Variants in GIGYF2 observed in about 807,000 individuals in gnomAD.
GIGYF2 encodes GRB10-interacting GYF protein 2.
Under a neutral mutation model 208.1 loss-of-function variants are expected in GIGYF2, and 25 were observed. That is an observed-to-expected ratio of 0.12 (90% CI 0.09 to 0.17). The LOEUF (loss-of-function observed/expected upper bound fraction) is 0.17. Ranked by LOEUF, GIGYF2 falls within the 10% of genes least tolerant of loss-of-function variation. GIGYF2 has a pLI of 1.00. For missense variants in GIGYF2, 1,302 were observed against 1,579.4 expected (o/e 0.82, Z 2.98); for synonymous variants, 534 against 543.8 (o/e 0.98, Z 0.25).
intron 8 of GIGYF2, among the ~76,000 whole-genome samples, chr2:232,775,994 A>G (rs1699495578): frequency 6.6e-6 from 1 of 152,176 alleles, no homozygotes; most frequent in Admixed American, 6.5e-5. Flanking sequence ...CAATAATTCC[A>G]TGCTTAAAAA....
At chr2:232,798,977 G>GAAA (rs1700308017) in intron 14 of GIGYF2, among the ~76,000 whole-genome samples, 1 of 150,670 alleles carries the variant, frequency 6.6e-6, no homozygotes, top group South Asian at 2.1e-4. Flanking sequence ...GGGACTGGAG[G>GAAA]AAATCTGTTT....
intron 28 of GIGYF2, among the ~76,000 whole-genome samples, chr2:232,850,790 C>T (rs1196768907): frequency 6.6e-6 from 1 of 152,130 alleles, no homozygotes; most frequent in Non-Finnish European, 1.5e-5. Context: ...GACCATTAAT[C>T]CGATCAGGTG....
intron 20 of GIGYF2, among the ~76,000 whole-genome samples, chr2:232,819,008 A>G (rs775706224): frequency 6.6e-6 from 1 of 151,314 alleles, no homozygotes; most frequent in Non-Finnish European, 1.5e-5. Context: ...GTTGGGGGGA[A>G]TTCACCATTC....
intron 23 of GIGYF2, chr2:232,843,096 A>G (rs985295415): frequency 1.6e-4 from 25 of 151,754 alleles, no homozygotes; most frequent in Admixed American, 5.3e-4. Flanking sequence ...AGATTTTAAA[A>G]AATCTATTCT....
intron 27 of GIGYF2, among the ~76,000 whole-genome samples, chr2:232,848,744 C>G (rs765315405): frequency 1.3e-5 from 2 of 152,226 alleles, no homozygotes; most frequent in African/African-American, 4.8e-5. Context: ...AGAACTGTAA[C>G]AAGAAGGCAT....
At chr2:232,840,056 A>G in intron 23 of GIGYF2, 85 bp downstream of exon 23, 1 of 1,331,358 alleles carries the variant, frequency 7.5e-7, no homozygotes, top group South Asian at 1.2e-5. Context: ...TACTGAGGAC[A>G]ATTACTGTCA....
In GIGYF2 at chr2:232,832,906, G is replaced by A. The variant is rs1183320926; in HGVS notation, c.2579G>A (p.Arg860Gln). 7 of 1,563,896 alleles carry A rather than the reference G, an allele frequency of 4.5e-6. No homozygotes were observed. Among genetic ancestry groups the A allele is most frequent in the Non-Finnish European group, 2.6e-6 (3 of 1,154,068 alleles). ...CGGGAAGAAGAAGAAGCCCAGCGTC[G>A]ATTAGAGGAGAACCGGCTGCGGATG... ...WAREEEEAQR[R>Q]LEENRLRMEE... Residue 860 changes from arginine to glutamine, a missense_variant, in exon 22 of 29, where the codon CGA becomes CAA. By Grantham distance (43) the Arg-to-Gln change is conservative (BLOSUM62 1). This residue lies in a region of GIGYF2 where 701 missense variants were observed against 793.0 expected (regional missense o/e 0.88). Coordinates refer to ENST00000373563, the MANE Select transcript of GIGYF2 (RefSeq NM_001103146.3).
At chr2:232,700,690 A>T (rs1695802288) in intron 1 of GIGYF2, 1 of 152,162 alleles carries the variant, frequency 6.6e-6, no homozygotes, top group Non-Finnish European at 1.5e-5. Context: ...AGTTTAAATT[A>T]CCATGGCATA....
chr2:232,775,150 T>C (rs940237161), intron 8 of GIGYF2, among the ~76,000 whole-genome samples: 47 of 152,244 alleles, frequency 3.1e-4, no homozygotes, highest in Admixed American at 2.0e-3. Context: ...GATTGATTTC[T>C]GATTCCCACT....
intron 3 of GIGYF2, chr2:232,735,840 C>T (rs1401269512): frequency 4.1e-6 from 4 of 985,372 alleles, no homozygotes; most frequent in Non-Finnish European, 4.8e-6. Context: ...CCCCCCCTCC[C>T]CTCCTTCCTT....
intron 2 of GIGYF2, chr2:232,722,703 A>G (rs1319336074): frequency 6.6e-6 from 1 of 152,188 alleles, no homozygotes; most frequent in Non-Finnish European, 1.5e-5. Flanking sequence ...TTGACAAAGT[A>G]TTGTGTAATG....
intron 8 of GIGYF2, chr2:232,766,097 C>T: frequency 2.3e-6 from 1 of 438,044 alleles, no homozygotes; most frequent in Non-Finnish European, 4.8e-6. Context: ...CTATAGAAAA[C>T]CTAATCCTTA....
chr2:232,790,666 T>C, intron 9 of GIGYF2, 32 bp from the exon 10 acceptor site: 3 of 1,548,388 alleles, frequency 1.9e-6, no homozygotes, highest in South Asian at 1.1e-5. Flanking sequence ...CATAAAACTT[T>C]TCTAAGGTTT....
chr2:232,836,348 ATT>A lies in GIGYF2; in HGVS notation c.2766+3257_2766+3258del, dbSNP rs548576660. ...TATATATACATATATATACTTATAT[ATT>A]TATATATATAAATATAAATATATAT... On this transcript the variant is annotated intron_variant, in intron 22 of 28. Transcript: ENST00000373563. Among the ~76,000 whole-genome samples, 141 of 44,992 alleles carry A rather than the reference ATT, an allele frequency of 3.1e-3. 23 individuals carry two copies. The highest frequency in any genetic ancestry group is 4.5e-3 in the Non-Finnish European group (103 of 23,118). 29.5% of individuals were successfully genotyped at this position (44,992 alleles called of 152,430 possible). A position where few individuals can be genotyped will look rare whatever the true frequency, so the allele number is the denominator to read the frequency against.
At chr2:232,712,033 G>A (rs1696441439) in intron 2 of GIGYF2, among the ~76,000 whole-genome samples, 1 of 151,944 alleles carries the variant, frequency 6.6e-6, no homozygotes, top group Non-Finnish European at 1.5e-5. Flanking sequence ...TATCAGAAAA[G>A]CCTTTAAATA....
At chr2:232,764,927 TTTA>T (rs1343911310) in intron 8 of GIGYF2, among the ~76,000 whole-genome samples, 7 of 152,182 alleles carry the variant, frequency 4.6e-5, no homozygotes, top group African/African-American at 1.7e-4. Flanking sequence ...TAAAGGTTCT[TTTA>T]TTTACATCCC....
chr2:232,789,520 T>G (rs924722130), intron 9 of GIGYF2, among the ~76,000 whole-genome samples: 1 of 152,152 alleles, frequency 6.6e-6, no homozygotes, highest in African/African-American at 2.4e-5. Context: ...AAGTAGTAAA[T>G]AGTGTTTTGT....
intron 23 of GIGYF2, among the ~76,000 whole-genome samples, chr2:232,841,535 A>T (rs1419889818): frequency 6.6e-6 from 1 of 150,740 alleles, no homozygotes; most frequent in Non-Finnish European, 1.5e-5. Flanking sequence ...GGCTGGTTTC[A>T]AACTCCTGAC....
chr2:232,775,064 AT>A (rs956789044), intron 8 of GIGYF2, among the ~76,000 whole-genome samples: 708 of 144,636 alleles, frequency 4.9e-3, no homozygotes, highest in Middle Eastern at 0.018. Context: ...GTTAAGCAGC[AT>A]TTTTTTTTTT....
Sources: gnomAD v4.1 joint callset for allele counts (sites outside exome capture counted in the v4.1 genomes callset) on GRCh38, gnomAD v4.1.1 for gene constraint, gnomAD v4.1.1 regional missense constraint, MANE v1.5 for transcripts, NCBI Gene and HGNC (gene_info 2026-07-23, HGNC 2026-07-21) for gene names.